The following SHC4 variants were observed in gnomAD, a reference collection of about 807,000 sequenced individuals.
The protein encoded by SHC4 is SHC adaptor protein 4, also known as SHC-transforming protein 4.
SHC4 carries 41 observed loss-of-function variants against 69.4 expected under a neutral mutation model. The observed-to-expected ratio is 0.59, with a 90% CI of 0.46 to 0.77. The LOEUF (loss-of-function observed/expected upper bound fraction) is 0.77, where lower values mean the gene tolerates loss of function less well. Among genes scored for constraint, SHC4 ranks in the 30% least tolerant of loss-of-function variants. The pLI is 0.00. For synonymous variants in SHC4, 318 were observed against 299.3 expected (o/e 1.06, Z -0.64); for missense variants, 777 against 783.8 (o/e 0.99, Z 0.10).
intron 8 of SHC4, among the ~76,000 whole-genome samples, chr15:48,855,547 T>C (rs1228202730): frequency 3.9e-5 from 6 of 152,116 alleles, no homozygotes; most frequent in African/African-American, 1.2e-4. Context: ...AGAGTGAAGA[T>C]TGAGACAGAA....
At chr15:48,839,314 CTT>C (rs1301555519) in intron 10 of SHC4, among the ~76,000 whole-genome samples, 3 of 152,234 alleles carry the variant, frequency 2.0e-5, no homozygotes, top group African/African-American at 7.2e-5. Flanking sequence ...TAGTCCATGG[CTT>C]TTGGCCCCTG....
At chr15:48,926,440 A>G (rs1900855417) in intron 1 of SHC4, among the ~76,000 whole-genome samples, 1 of 150,328 alleles carries the variant, frequency 6.7e-6, no homozygotes, top group Non-Finnish European at 1.5e-5. Flanking sequence ...CTACCCAAAC[A>G]CTTCTTGTAT....
At chr15:48,830,675 T>G (rs1384068731) in intron 11 of SHC4, among the ~76,000 whole-genome samples, 1 of 152,178 alleles carries the variant, frequency 6.6e-6, no homozygotes, top group African/African-American at 2.4e-5. Context: ...TTAACAAGCT[T>G]CTTGAAAAGA....
At chr15:48,949,932 A>G (rs965786781) in intron 1 of SHC4, among the ~76,000 whole-genome samples, 2 of 143,850 alleles carry the variant, frequency 1.4e-5, no homozygotes, top group African/African-American at 5.1e-5. Flanking sequence ...ATATATTAAT[A>G]TGCAGATTAT....
rs778516225 is a variant in SHC4 at position 48,851,263 on chromosome 15, A to G, written c.1243-15T>C. On this transcript the variant is annotated splice_polypyrimidine_tract_variant and intron_variant, in intron 8 of 11. Transcript: ENST00000332408. ...GAGTTTCCAGGCTGCATGAACAACA[A>G]ATTATGAAACATTTACAAACATAGT... The G allele has an allele frequency of 1.6e-5, 26 of 1,613,802 alleles. No individual in the cohort carries two copies. The highest frequency in any genetic ancestry group is 1.6e-4 in the East Asian group (7 of 44,868).
At chr15:48,907,940 T>G (rs1900439718) in intron 2 of SHC4, among the ~76,000 whole-genome samples, 1 of 152,050 alleles carries the variant, frequency 6.6e-6, no homozygotes, top group Non-Finnish European at 1.5e-5. Context: ...TTTGCAGTTG[T>G]GCTGCTATAA....
intron 11 of SHC4, among the ~76,000 whole-genome samples, chr15:48,827,730 C>T (rs1385436921): frequency 6.6e-6 from 1 of 152,044 alleles, no homozygotes; most frequent in Non-Finnish European, 1.5e-5. Flanking sequence ...TTGCTAGGGG[C>T]TAGGATAGGG....
At chr15:48,873,890 T>C (rs1245297704) in intron 4 of SHC4, among the ~76,000 whole-genome samples, 2 of 152,086 alleles carry the variant, frequency 1.3e-5, no homozygotes, top group African/African-American at 4.8e-5. Flanking sequence ...TCTGAACAAG[T>C]AGAAAGATAT....
intron 1 of SHC4, among the ~76,000 whole-genome samples, chr15:48,949,370 C>CA (rs751634978): frequency 0.029 from 1,871 of 63,590 alleles, 13 homozygotes; most frequent in African/African-American, 0.048. Context: ...GACTCCGTCT[C>CA]AAAAAAAAAA....
At chr15:48,897,914 T>C (rs1367019449) in intron 2 of SHC4, among the ~76,000 whole-genome samples, 1 of 152,172 alleles carries the variant, frequency 6.6e-6, no homozygotes, top group Non-Finnish European at 1.5e-5. Context: ...CCAAAACAAA[T>C]TCACCTGCGT....
At chr15:48,858,348 T>C (rs917569718) in intron 6 of SHC4, among the ~76,000 whole-genome samples, 5 of 152,128 alleles carry the variant, frequency 3.3e-5, no homozygotes, top group African/African-American at 1.2e-4. Context: ...GTCATTGCTA[T>C]TATAAAGCAC....
At chr15:48,920,636 A>T (rs1416728731) in intron 2 of SHC4, among the ~76,000 whole-genome samples, 1 of 152,204 alleles carries the variant, frequency 6.6e-6, no homozygotes, top group Non-Finnish European at 1.5e-5. Flanking sequence ...ACCAATTAGT[A>T]CAAATAGACT....
At chr15:48,956,970 C>CT (rs1234585427) in intron 1 of SHC4, among the ~76,000 whole-genome samples, 47 of 70,162 alleles carry the variant, frequency 6.7e-4, no homozygotes, top group African/African-American at 1.7e-3. Context: ...TTCTTTCTTT[C>CT]TTTCTTTTTT....
chr15:48,848,734 A>G (rs1026695933), intron 9 of SHC4, among the ~76,000 whole-genome samples: 1 of 152,216 alleles, frequency 6.6e-6, no homozygotes, highest in Non-Finnish European at 1.5e-5. Context: ...GCAAGACTAC[A>G]CTTACAAAAA....
intron 2 of SHC4, among the ~76,000 whole-genome samples, chr15:48,919,519 A>T (rs1458843887): frequency 6.6e-6 from 1 of 150,970 alleles, no homozygotes; most frequent in Admixed American, 6.6e-5. Flanking sequence ...AAACTCCAAG[A>T]CTCAAATGAT....
chr15:48,940,644 T>C (rs1490047001), intron 1 of SHC4, among the ~76,000 whole-genome samples: 3 of 152,176 alleles, frequency 2.0e-5, no homozygotes, highest in East Asian at 3.9e-4. Context: ...AGTATGATGG[T>C]GGTTTCAATC....
chr15:48,874,844 C>T, intron 4 of SHC4, among the ~76,000 whole-genome samples: 1 of 152,188 alleles, frequency 6.6e-6, no homozygotes. Context: ...CAGCTGATGG[C>T]AGGCTTTAAG....
intron 1 of SHC4, among the ~76,000 whole-genome samples, chr15:48,930,864 C>G (rs1900951526): frequency 6.6e-6 from 1 of 152,150 alleles, no homozygotes; most frequent in Non-Finnish European, 1.5e-5. Context: ...CCCTTCATAA[C>G]CTTGAAACAC....
intron 1 of SHC4, among the ~76,000 whole-genome samples, chr15:48,959,312 A>G (rs1320142044): frequency 6.6e-6 from 1 of 152,158 alleles, no homozygotes; most frequent in Non-Finnish European, 1.5e-5. Flanking sequence ...TCATTTATTC[A>G]ATTGAACCTA....
Sources: allele counts gnomAD v4.1 joint callset (sites outside exome capture counted in the v4.1 genomes callset), GRCh38; gene constraint gnomAD v4.1.1; transcripts MANE v1.5; gene names NCBI Gene and HGNC (gene_info 2026-07-23, HGNC 2026-07-21).